GRID2: variants seen among roughly 807,000 people sequenced by gnomAD.
GRID2 encodes the protein glutamate receptor ionotropic, delta-2.
In GRID2, 33 loss-of-function variants were observed where a neutral mutation model predicts 114.8. The observed-to-expected ratio is 0.29, with a 90% CI of 0.22 to 0.38. GRID2 has a LOEUF of 0.38. Ranked by LOEUF, GRID2 falls within the 10% of genes least tolerant of loss-of-function variation. GRID2 has a pLI of 1.00. For missense variants in GRID2, 1,184 were observed against 1,257.7 expected (o/e 0.94, Z 0.89); for synonymous variants, 505 against 449.9 (o/e 1.12, Z -1.55).
rs1306110434 is a variant in GRID2, at chr4:92,408,428, G to A, written c.88+103684G>A. Among the ~76,000 whole-genome samples the A allele has an allele frequency of 6.3e-5, 4 of 63,536 alleles. No homozygotes were observed. The East Asian group carries it at 2.3e-3, about 36-fold the overall frequency. The allele number at this position is 63,536 out of a possible 152,430, so 41.7% of individuals were successfully genotyped here. A position where few individuals can be genotyped will look rare whatever the true frequency, so the allele number is the denominator to read the frequency against. On this transcript the variant is annotated intron_variant, in intron 1 of 15. Coordinates refer to ENST00000282020, the MANE Select transcript of GRID2 (RefSeq NM_001510.4). ...GCTTACAATTATATTGCCTATTCAA[G>A]CTCTTTTTTTTTTTTTTTTTTTTTT...
chr4:93,412,736 T>C (rs1767323625), intron 9 of GRID2, among the ~76,000 whole-genome samples: 1 of 152,096 alleles, frequency 6.6e-6, no homozygotes, highest in Non-Finnish European at 1.5e-5. Context: ...GTCTTAATGC[T>C]CTCCCTCCCC....
intron 1 of GRID2, among the ~76,000 whole-genome samples, chr4:92,333,323 G>A (rs952860577): frequency 3.9e-5 from 6 of 152,214 alleles, no homozygotes; most frequent in African/African-American, 1.2e-4. Flanking sequence ...GGAATGTAGT[G>A]GGCAGAGTAC....
At chr4:92,421,673 T>G (rs1000956887) in intron 1 of GRID2, among the ~76,000 whole-genome samples, 28 of 152,228 alleles carry the variant, frequency 1.8e-4, no homozygotes, top group African/African-American at 6.3e-4. Context: ...AGCTAGAGTT[T>G]GCTGGGCGCT....
chr4:93,615,357 CTT>C (rs1016922659), intron 13 of GRID2, among the ~76,000 whole-genome samples: 10 of 152,234 alleles, frequency 6.6e-5, no homozygotes, highest in African/African-American at 2.4e-4. Flanking sequence ...TGAAATCTCT[CTT>C]AGGAAAATGA....
At chr4:93,002,133 A>G (rs1721052407) in intron 2 of GRID2, among the ~76,000 whole-genome samples, 1 of 151,750 alleles carries the variant, frequency 6.6e-6, no homozygotes, top group Non-Finnish European at 1.5e-5. Flanking sequence ...GTACATTCAC[A>G]TAGTATGGAA....
intron 1 of GRID2, among the ~76,000 whole-genome samples, chr4:92,378,171 T>C (rs2110231692): frequency 6.6e-6 from 1 of 152,094 alleles, no homozygotes; most frequent in Admixed American, 6.6e-5. Flanking sequence ...AAGTACTTAA[T>C]TAAAAAAACT....
At chr4:93,535,835 C>T (rs1264626343) in intron 13 of GRID2, among the ~76,000 whole-genome samples, 1 of 151,898 alleles carries the variant, frequency 6.6e-6, no homozygotes, top group African/African-American at 2.4e-5. Flanking sequence ...TATTTTCTAC[C>T]ATTTCCTAAG....
chr4:93,115,423 A>ACACACACACACACACACACAC (rs1579031507), intron 4 of GRID2, among the ~76,000 whole-genome samples: 1 of 151,648 alleles, frequency 6.6e-6, no homozygotes, highest in Non-Finnish European at 1.5e-5. Context: ...ACACACACAC[A>ACACACACACACACACACACAC]TTTTTATTAT....
intron 4 of GRID2, among the ~76,000 whole-genome samples, chr4:93,138,389 C>G (rs1735464232): frequency 1.3e-5 from 2 of 152,120 alleles, no homozygotes; most frequent in Non-Finnish European, 2.9e-5. Flanking sequence ...GCCCCTTGTG[C>G]TCTATTACTT....
rs569020010 is a variant in GRID2 at position 93,394,470 on chromosome 4, G to T, written c.1246-1137G>T. 7.9e-5 allele frequency among the ~76,000 whole-genome samples: 12 copies of T among 151,926 alleles called. No individual in the cohort carries two copies. The South Asian group carries it at 2.5e-3, about 31-fold the overall frequency. On this transcript the variant is annotated intron_variant, in intron 8 of 15. Coordinates refer to ENST00000282020, the MANE Select transcript of GRID2 (RefSeq NM_001510.4). The stretch of plus-strand genomic sequence containing the variant: ...TTGGGGAGCTTAAAGGGAAACTTGG[G>T]TTTTAATAGGAAGCACCTAAATTGT...
intron 1 of GRID2, among the ~76,000 whole-genome samples, chr4:92,321,566 CT>C (rs1328390117): frequency 6.6e-6 from 1 of 152,202 alleles, no homozygotes; most frequent in African/African-American, 2.4e-5. Flanking sequence ...CCATCTCATT[CT>C]TTTTTGCTCT....
chr4:92,865,187 T>C (rs755926067), intron 2 of GRID2, among the ~76,000 whole-genome samples: 5 of 152,198 alleles, frequency 3.3e-5, no homozygotes, highest in Non-Finnish European at 5.9e-5. Flanking sequence ...AGAGCACCAA[T>C]TGTTTATTTT....
intron 8 of GRID2, among the ~76,000 whole-genome samples, chr4:93,239,173 T>C (rs202158873): frequency 5.2e-5 from 1 of 19,184 alleles, no homozygotes; most frequent in African/African-American, 2.4e-4. Context: ...ATATATATAA[T>C]ATATATATAT....
chr4:93,096,483 C>T (rs1425838051), intron 3 of GRID2, among the ~76,000 whole-genome samples: 2 of 151,844 alleles, frequency 1.3e-5, no homozygotes, highest in African/African-American at 4.8e-5. Flanking sequence ...TCAAAGAATA[C>T]ACATATTTAA....
At chr4:92,868,086 GTCTT>G (rs70942933) in intron 2 of GRID2, among the ~76,000 whole-genome samples, 107 of 127,866 alleles carry the variant, frequency 8.4e-4, no homozygotes, top group African/African-American at 2.0e-3. Context: ...CTGTCTGTCT[GTCTT>G]TCTTTCTTTC....
At chr4:93,164,853 C>A (rs1379496511) in intron 4 of GRID2, 2 of 314,520 alleles carry the variant, frequency 6.4e-6, no homozygotes, top group Non-Finnish European at 1.4e-5. Flanking sequence ...CTACTGTTCT[C>A]TAATTCATGC....
intron 1 of GRID2, among the ~76,000 whole-genome samples, chr4:92,424,844 G>A (rs1732079592): frequency 6.6e-6 from 1 of 151,530 alleles, no homozygotes; most frequent in South Asian, 2.1e-4. Context: ...ATACTCCTCT[G>A]ATTAAACAAA....
At chr4:93,554,421 C>T (rs1734098222) in intron 13 of GRID2, among the ~76,000 whole-genome samples, 1 of 146,928 alleles carries the variant, frequency 6.8e-6, no homozygotes, top group Non-Finnish European at 1.5e-5. Context: ...TCTCTTTTTT[C>T]TGCACATAAA....
In GRID2 at chr4:92,315,799, C is replaced by T. The variant is rs988263214; in HGVS notation, c.88+11055C>T. Among the ~76,000 whole-genome samples, 16 of 151,582 alleles carry T rather than the reference C, an allele frequency of 1.1e-4. No homozygotes were observed. The South Asian group carries it at 1.9e-3, about 18-fold the overall frequency. ...CAGCCTGACCAACATGGTGAAACCC[C>T]GTCTCTACTAAAAATACAAAAATTA... On this transcript the variant is annotated intron_variant, in intron 1 of 15. Transcript: ENST00000282020.
Sources: gnomAD v4.1 joint callset for allele counts (sites outside exome capture counted in the v4.1 genomes callset) on GRCh38, gnomAD v4.1.1 for gene constraint, MANE v1.5 for transcripts, NCBI Gene and HGNC (gene_info 2026-07-23, HGNC 2026-07-21) for gene names.